The following CACNB2 variants were observed in gnomAD, a reference collection of about 807,000 sequenced individuals.
CACNB2 encodes the protein voltage-dependent L-type calcium channel subunit beta-2.
A neutral mutation model predicts 73.3 loss-of-function variants in CACNB2; 42 were observed. The ratio of observed to expected loss-of-function variants is 0.57; its 90% CI spans 0.45 to 0.74. The LOEUF is 0.74. Among genes scored for constraint, CACNB2 ranks in the 30% least tolerant of loss-of-function variants. The pLI is 0.00. For missense variants in CACNB2, 940 were observed against 853.0 expected (o/e 1.10, Z -1.27); for synonymous variants, 348 against 310.3 (o/e 1.12, Z -1.28).
chr10:18,439,337 A>G (rs2132922524), intron 3 of CACNB2, among the ~76,000 whole-genome samples: 1 of 152,302 alleles, frequency 6.6e-6, no homozygotes, highest in South Asian at 2.1e-4. Context: ...TCCAGCAGTA[A>G]GACACAACTT....
At chr10:18,387,996 A>T (rs766928110) in intron 2 of CACNB2, among the ~76,000 whole-genome samples, 2 of 152,232 alleles carry the variant, frequency 1.3e-5, no homozygotes, top group South Asian at 4.1e-4. Context: ...AGCTCAAGCA[A>T]TCCTCCTGCC....
At chr10:18,484,386 T>C (rs911256508) in intron 3 of CACNB2, among the ~76,000 whole-genome samples, 1 of 149,868 alleles carries the variant, frequency 6.7e-6, no homozygotes, top group African/African-American at 2.5e-5. Flanking sequence ...AGAGCCAGAC[T>C]CTGTCTCAAA....
At chr10:18,322,491 C>T (rs534505946) in intron 2 of CACNB2, among the ~76,000 whole-genome samples, 4 of 152,148 alleles carry the variant, frequency 2.6e-5, no homozygotes, top group African/African-American at 9.7e-5. Flanking sequence ...AAACATCCCA[C>T]ATTTCCATAA....
At chr10:18,429,885 G>T (rs1273700281) in intron 3 of CACNB2, among the ~76,000 whole-genome samples, 1 of 151,860 alleles carries the variant, frequency 6.6e-6, no homozygotes, top group Non-Finnish European at 1.5e-5. Context: ...AGGCTGGGGT[G>T]GGAAGATCAC....
At chr10:18,219,311 G>C (rs2035634807) in intron 2 of CACNB2, among the ~76,000 whole-genome samples, 1 of 152,184 alleles carries the variant, frequency 6.6e-6, no homozygotes, top group Non-Finnish European at 1.5e-5. Context: ...TGTTCTCTGA[G>C]GGTGGGGAAT....
At chr10:18,236,202 C>A (rs1463053399) in intron 2 of CACNB2, among the ~76,000 whole-genome samples, 4 of 152,160 alleles carry the variant, frequency 2.6e-5, no homozygotes, top group Non-Finnish European at 5.9e-5. Context: ...AGTGTGACTG[C>A]AGCCTGATTA....
chr10:18,234,525 G>A (rs969865027), intron 2 of CACNB2, among the ~76,000 whole-genome samples: 5 of 152,170 alleles, frequency 3.3e-5, no homozygotes, highest in African/African-American at 1.2e-4. Flanking sequence ...TGAGCAAATC[G>A]TGGTCTGTAC....
intron 2 of CACNB2, among the ~76,000 whole-genome samples, chr10:18,284,105 G>C (rs1386957124): frequency 6.6e-6 from 1 of 152,102 alleles, no homozygotes; most frequent in Non-Finnish European, 1.5e-5. Context: ...AAAGGAAAGA[G>C]GTTGTTTAAC....
At chr10:18,422,837 T>G (rs2045399081) in intron 3 of CACNB2, among the ~76,000 whole-genome samples, 1 of 152,164 alleles carries the variant, frequency 6.6e-6, no homozygotes, top group African/African-American at 2.4e-5. Context: ...TAGCTGCGAT[T>G]ATAGGCATGC....
intron 3 of CACNB2, among the ~76,000 whole-genome samples, chr10:18,459,357 T>A (rs2047446829): frequency 6.6e-6 from 1 of 152,176 alleles, no homozygotes; most frequent in South Asian, 2.1e-4. Flanking sequence ...AGGAAGGAGG[T>A]GGCTGAGATT....
chr10:18,143,682 CTGTT>C (rs1222101635), intron 1 of CACNB2, among the ~76,000 whole-genome samples: 1 of 152,182 alleles, frequency 6.6e-6, no homozygotes, highest in African/African-American at 2.4e-5. Flanking sequence ...TTCCATCTCT[CTGTT>C]TGGGCAGAAC....
rs145115832 is a variant in CACNB2, at chr10:18,505,956, C to T, written c.594-515C>T. On this transcript the variant is annotated intron_variant, in intron 5 of 13. Coordinates refer to ENST00000324631, the MANE Select transcript of CACNB2 (RefSeq NM_201596.3). ...GTTTAGTCATGTTTCTTCGTGTGTC[C>T]GTTAGTGGTTGGCAAGTTTTCATAT... 3.4e-3 allele frequency among the ~76,000 whole-genome samples: 515 copies of T among 152,184 alleles called. 2 individuals carry two copies. Among genetic ancestry groups the T allele is most frequent in the African/African-American group, 0.012 (480 of 41,516 alleles).
At chr10:18,148,116 A>G (rs1315130123) in intron 1 of CACNB2, among the ~76,000 whole-genome samples, 11 of 152,276 alleles carry the variant, frequency 7.2e-5, no homozygotes, top group African/African-American at 2.2e-4. Flanking sequence ...AAACTTTAGA[A>G]GAGAAATTCC....
intron 10 of CACNB2, among the ~76,000 whole-genome samples, chr10:18,530,335 C>G (rs1016061005): frequency 6.6e-6 from 1 of 152,088 alleles, no homozygotes; most frequent in Non-Finnish European, 1.5e-5. Context: ...ACAAAGTCCT[C>G]TTTCTCATAG....
chr10:18,468,125 G>A (rs1243199739), intron 3 of CACNB2, among the ~76,000 whole-genome samples: 1 of 152,068 alleles, frequency 6.6e-6, no homozygotes, highest in Non-Finnish European at 1.5e-5. Context: ...CTGTAGAACT[G>A]GGGTGCTCAA....
At chr10:18,234,866 G>A (rs976910349) in intron 2 of CACNB2, among the ~76,000 whole-genome samples, 1 of 152,160 alleles carries the variant, frequency 6.6e-6, no homozygotes, top group African/African-American at 2.4e-5. Context: ...TAAAAGGGCC[G>A]GGCGCGGTGA....
At chr10:18,305,434 A>G (rs1360212507) in intron 2 of CACNB2, among the ~76,000 whole-genome samples, 3 of 152,220 alleles carry the variant, frequency 2.0e-5, no homozygotes, top group African/African-American at 4.8e-5. Context: ...GCTAAGTATG[A>G]CAAAAATGAG....
intron 3 of CACNB2, among the ~76,000 whole-genome samples, chr10:18,497,829 A>T (rs2049929050): frequency 1.3e-5 from 2 of 152,186 alleles, no homozygotes; most frequent in Non-Finnish European, 2.9e-5. Flanking sequence ...AGAAAAAGTC[A>T]TTGCTTTCAT....
intron 3 of CACNB2, among the ~76,000 whole-genome samples, chr10:18,493,324 C>A (rs769687340): frequency 1.3e-5 from 2 of 152,228 alleles, no homozygotes; most frequent in Non-Finnish European, 2.9e-5. Flanking sequence ...CTGGCCACCA[C>A]GCCTGGCTAA....
Sources: allele counts gnomAD v4.1 joint callset (sites outside exome capture counted in the v4.1 genomes callset), GRCh38; gene constraint gnomAD v4.1.1; transcripts MANE v1.5; gene names NCBI Gene and HGNC (gene_info 2026-07-23, HGNC 2026-07-21).